The following TSR1 variants were observed in gnomAD, a reference collection of about 807,000 sequenced individuals.
TSR1 encodes the protein pre-rRNA-processing protein TSR1 homolog.
In TSR1, 81 loss-of-function variants were observed where a neutral mutation model predicts 90.9. The observed-to-expected ratio is 0.89, with a 90% CI of 0.74 to 1.07. The LOEUF is 1.07. Among genes scored for constraint, TSR1 ranks in the 50% least tolerant of loss-of-function variants. TSR1 has a pLI of 0.00. For missense variants in TSR1, 989 were observed against 987.3 expected (o/e 1.00, Z -0.02); for synonymous variants, 362 against 348.8 (o/e 1.04, Z -0.42).
rs772504078 is a variant in TSR1 at position 2,332,154 on chromosome 17, G to A, written c.1496+15C>T. The A allele has an allele frequency of 1.2e-6, 2 of 1,606,078 alleles. No homozygotes were observed. The highest frequency in any genetic ancestry group is 1.7e-6 in the Non-Finnish European group (2 of 1,178,106). On this transcript the variant is annotated intron_variant, in intron 8 of 14. Coordinates refer to ENST00000301364, the MANE Select transcript of TSR1 (RefSeq NM_018128.5). ...TTGACTGAATTTAGATTTGTTGATAGACTTGTTGACTAACCGAATTCGAGC... is the reference window on the plus strand; with the variant it reads ...TTGACTGAATTTAGATTTGTTGATAAACTTGTTGACTAACCGAATTCGAGC...
Position 2,336,061 on chromosome 17 carries a change from C to T in TSR1, c.177G>A (p.Gln59=). The T allele has an allele frequency of 6.2e-7, 1 of 1,614,208 alleles. No individual in the cohort carries two copies. The highest frequency in any genetic ancestry group is 2.2e-5 in the East Asian group (1 of 44,884). ...CCGCCTCCTTCTTCTGCTTTCGGAG[C>T]TGGCTGGCGCGATGCCTCTGGTCGA... The part of the protein sequence containing the change: ...SRVDQRHRAS[Q]LRKQKKEAVL... Residue 59 remains glutamine (Q), a synonymous_variant, in exon 2 of 15, where the codon CAG becomes CAA. Coordinates refer to ENST00000301364, the MANE Select transcript of TSR1 (RefSeq NM_018128.5).
chr17:2,332,903 C>T (rs1274332326), intron 7 of TSR1, 58 bp downstream of exon 7: 1 of 1,550,176 alleles, frequency 6.5e-7, no homozygotes, highest in Non-Finnish European at 8.8e-7. Flanking sequence ...ATCACACCTG[C>T]ACTTTGCCTT....
rs776431499 is a variant in TSR1 at position 2,334,584 on chromosome 17, T to A, written c.869A>T (p.His290Leu). Residue 290 changes from histidine (H) to leucine (L), a missense_variant, in exon 5 of 15, where the codon CAT (histidine) becomes CTT (leucine). His to Leu is a moderately conservative substitution (Grantham distance 99, BLOSUM62 -3). Transcript: ENST00000301364. ...GQTLNVNRLL[H>L]IVGYGDFQMK... is the part of the protein sequence containing the mutation. ...CTGGAAATCACCATATCCAACGATA[T>A]GCAGCAACCTATTGACATTCAGAGT... 3.7e-6 allele frequency: 6 copies of A among 1,614,090 alleles called. No homozygotes were observed. The highest frequency in any genetic ancestry group is 1.3e-5 in the African/African-American group (1 of 74,930).
chr17:2,327,358 A>G (rs1447429733), intron 11 of TSR1, among the ~76,000 whole-genome samples: 1 of 151,158 alleles, frequency 6.6e-6, no homozygotes, highest in Non-Finnish European at 1.5e-5. Context: ...GGGAGGCTGC[A>G]ATGAGCTGAG....
intron 11 of TSR1, among the ~76,000 whole-genome samples, chr17:2,326,384 G>A (rs559945222): frequency 7.9e-5 from 12 of 151,984 alleles, no homozygotes; most frequent in Non-Finnish European, 1.6e-4. Context: ...TGCTCCTACT[G>A]TGTAGGAGAC....
At chr17:2,326,431 CA>C (rs200908452) in intron 11 of TSR1, among the ~76,000 whole-genome samples, 2,022 of 152,200 alleles carry the variant, frequency 0.013, 39 homozygotes, top group South Asian at 0.062. Context: ...AGTAGTCTCT[CA>C]GTATCTCAGG....
In TSR1 at chr17:2,323,257, G is replaced by T. The variant is rs1420337262; in HGVS notation, c.*939C>A. ...TATCCTCCAGAAACCATAGCAGATG[G>T]TGTCAAATCCAGCATTGGCTTGAAC... is the stretch of plus-strand genomic sequence containing the variant. On this transcript the variant is annotated 3_prime_UTR_variant, in exon 15 of 15. Coordinates refer to ENST00000301364, the MANE Select transcript of TSR1 (RefSeq NM_018128.5). The T allele has an allele frequency of 6.2e-7, 1 of 1,614,184 alleles. No homozygotes were observed. Among genetic ancestry groups the T allele is most frequent in the East Asian group, 2.2e-5 (1 of 44,882 alleles).
chr17:2,329,390 C>G lies in TSR1; in HGVS notation c.1856G>C (p.Gly619Ala), dbSNP rs2151440515. ...AGGTGAGGCTCGGAAGCGCCTGAAT[C>G]CACAGTGAAATATGAGCTCTTCCTT... Reference protein sequence around the residue: ...KAKEELIFHCGFRRFRASPLF... With the variant: ...KAKEELIFHCAFRRFRASPLF... The change falls in exon 11 of 15, where the codon GGA becomes GCA. Residue 619 changes from glycine (G) to alanine (A), a missense_variant. Physicochemically the swap from Gly to Ala is moderately conservative, Grantham distance 60. Coordinates refer to ENST00000301364, the MANE Select transcript of TSR1 (RefSeq NM_018128.5). The G allele has an allele frequency of 6.2e-7, 1 of 1,614,232 alleles. No homozygotes were observed. The highest frequency in any genetic ancestry group is 1.3e-5 in the African/African-American group (1 of 75,058).
At chr17:2,325,531 C>T (rs1268009732) in intron 11 of TSR1, 111 bp from the exon 12 acceptor site, 2 of 777,544 alleles carry the variant, frequency 2.6e-6, no homozygotes, top group Non-Finnish European at 4.0e-6. Context: ...GCAGCTTCTA[C>T]TTCTCTAAAC....
intron 6 of TSR1, 166 bp downstream of exon 6, chr17:2,333,391 T>A (rs1433274422): frequency 9.7e-6 from 9 of 925,420 alleles, no homozygotes; most frequent in Non-Finnish European, 1.5e-5. Flanking sequence ...GGAACAAGAC[T>A]GTGTATAATG....
chr17:2,324,887 T>C (rs1315078405), intron 12 of TSR1, 58 bp from the exon 13 acceptor site: 41 of 1,558,102 alleles, frequency 2.6e-5, no homozygotes, highest in Non-Finnish European at 3.4e-5. Flanking sequence ...TCTTCATTTA[T>C]TGCCCAGTCC....
At chr17:2,333,821 A>C in intron 5 of TSR1, 105 bp from the exon 6 acceptor site, 1 of 1,393,302 alleles carries the variant, frequency 7.2e-7, no homozygotes, top group Non-Finnish European at 9.8e-7. Flanking sequence ...GTATAAGATG[A>C]GTGCGACAGA....
At chr17:2,331,876 CATT>C (rs2064006352) in intron 8 of TSR1, among the ~76,000 whole-genome samples, 1 of 152,272 alleles carries the variant, frequency 6.6e-6, no homozygotes, top group African/African-American at 2.4e-5. Flanking sequence ...AATTTCCAAA[CATT>C]ATATACTTCA....
chr17:2,324,965 T>A, intron 12 of TSR1, 136 bp from the exon 13 acceptor site: 3 of 974,066 alleles, frequency 3.1e-6, no homozygotes, highest in Non-Finnish European at 4.4e-6. Flanking sequence ...CTAAGATTGG[T>A]AAACTGTAAG....
intron 4 of TSR1, 102 bp from the exon 5 acceptor site, chr17:2,334,998 A>G: frequency 7.7e-7 from 1 of 1,299,932 alleles, no homozygotes. Context: ...AAGCCCAGAG[A>G]TCACTGGGAA....
chr17:2,331,793 C>A (rs1032201151), intron 8 of TSR1, among the ~76,000 whole-genome samples: 3 of 152,228 alleles, frequency 2.0e-5, no homozygotes, highest in Non-Finnish European at 4.4e-5. Context: ...GCTTTAGTCA[C>A]TCACCTCCAG....
intron 11 of TSR1, chr17:2,329,074 A>C: frequency 1.5e-6 from 1 of 673,904 alleles, no homozygotes; most frequent in Non-Finnish European, 2.8e-6. Flanking sequence ...CCTTTTTATA[A>C]AGCTGCCAAC....
rs2075551578 is a variant in TSR1 at position 2,323,467 on chromosome 17, G to A, written c.*729C>T. On this transcript the variant is annotated 3_prime_UTR_variant, in exon 15 of 15. Transcript: ENST00000301364. Reference sequence around the variant, plus strand: ...GACTAGGTAACTTCATGACATGGGAGGGTACCCTAGATGTATTAATGACAA... The same window carrying A: ...GACTAGGTAACTTCATGACATGGGAAGGTACCCTAGATGTATTAATGACAA... 1 of 1,224,398 alleles carries A rather than the reference G, an allele frequency of 8.2e-7. No individual in the cohort carries two copies. Among genetic ancestry groups the A allele is most frequent in the Non-Finnish European group, 1.2e-6 (1 of 861,212 alleles). The allele number at this position is 1,224,398 out of a possible 1,614,324, so 75.8% of individuals were successfully genotyped here.
At chr17:2,331,149 TA>T in intron 8 of TSR1, 40 bp from the exon 9 acceptor site, 1 of 1,475,026 alleles carries the variant, frequency 6.8e-7, no homozygotes, top group Non-Finnish European at 9.0e-7. Flanking sequence ...AAGTCAGATT[TA>T]TATGGTGCTA....
Sources: gnomAD v4.1 joint callset for allele counts (sites outside exome capture counted in the v4.1 genomes callset) on GRCh38, gnomAD v4.1.1 for gene constraint, MANE v1.5 for transcripts, NCBI Gene and HGNC (gene_info 2026-07-23, HGNC 2026-07-21) for gene names.